MYO6: variants seen among roughly 807,000 people sequenced by gnomAD.
MYO6 encodes myosin VI.
MYO6 carries 74 observed loss-of-function variants against 178.7 expected under a neutral mutation model. That is an observed-to-expected ratio of 0.41 (90% CI 0.34 to 0.50). MYO6 has a LOEUF of 0.50. Among genes scored for constraint, MYO6 ranks in the 20% least tolerant of loss-of-function variants. The probability of loss-of-function intolerance (pLI) is 0.09; values close to 1 mark genes in which losing one functional copy is unlikely to be tolerated. For synonymous variants in MYO6, 477 were observed against 504.6 expected, an observed-to-expected ratio of 0.95 and a Z score of 0.73; for missense variants, 1,330 against 1,547.4, an observed-to-expected ratio of 0.86 and a Z score of 2.36.
intron 2 of MYO6, among the ~76,000 whole-genome samples, chr6:75,819,780 G>A (rs868053123): frequency 2.0e-5 from 3 of 152,220 alleles, no homozygotes; most frequent in African/African-American, 4.8e-5. Flanking sequence ...TAGGCTAGCT[G>A]CAGTGGCTCA....
At chr6:75,760,807 T>C (rs1452597888) in intron 1 of MYO6, among the ~76,000 whole-genome samples, 1 of 152,008 alleles carries the variant, frequency 6.6e-6, no homozygotes, top group Non-Finnish European at 1.5e-5. Flanking sequence ...TAAAAACATA[T>C]TGTTTATTTG....
intron 1 of MYO6, among the ~76,000 whole-genome samples, chr6:75,785,130 A>G (rs1180118830): frequency 2.0e-5 from 3 of 152,168 alleles, no homozygotes; most frequent in African/African-American, 7.2e-5. Context: ...ACAACTCAGG[A>G]AAAGGGAGAG....
At chr6:75,865,355 C>CTTTTTTTTTTTTT (rs386407605) in intron 16 of MYO6, 2 of 64,858 alleles carry the variant, frequency 3.1e-5, no homozygotes, top group African/African-American at 1.1e-4. Context: ...TAAATGATGT[C>CTTTTTTTTTTTTT]TTTTTTTTTT....
intron 1 of MYO6, among the ~76,000 whole-genome samples, chr6:75,809,943 G>T (rs940167170): frequency 6.6e-6 from 1 of 151,498 alleles, no homozygotes; most frequent in Non-Finnish European, 1.5e-5. Flanking sequence ...AATTAGCTGG[G>T]CGTTGTGGCA....
At chr6:75,807,714 G>T (rs1243950265) in intron 1 of MYO6, among the ~76,000 whole-genome samples, 2 of 152,176 alleles carry the variant, frequency 1.3e-5, no homozygotes, top group Admixed American at 6.5e-5. Context: ...CCCAAAGGCT[G>T]CTGGCTGCCC....
At chr6:75,792,362 T>C (rs1268547497) in intron 1 of MYO6, among the ~76,000 whole-genome samples, 1 of 152,188 alleles carries the variant, frequency 6.6e-6, no homozygotes, top group Non-Finnish European at 1.5e-5. Flanking sequence ...AAAGAAGCTG[T>C]TAAATTATTC....
intron 9 of MYO6, among the ~76,000 whole-genome samples, chr6:75,842,579 G>A (rs1421933129): frequency 2.0e-5 from 3 of 152,122 alleles, no homozygotes; most frequent in East Asian, 3.8e-4. Context: ...CTTTATAAAT[G>A]TATCTCTTTA....
intron 3 of MYO6, among the ~76,000 whole-genome samples, chr6:75,825,019 A>G (rs1207181265): frequency 6.6e-6 from 1 of 152,122 alleles, no homozygotes; most frequent in East Asian, 1.9e-4. Flanking sequence ...TTGGGCTCCC[A>G]AAGTGCTGGG....
At chr6:75,874,880 G>A (rs912198272) in intron 20 of MYO6, among the ~76,000 whole-genome samples, 1 of 152,206 alleles carries the variant, frequency 6.6e-6, no homozygotes, top group Admixed American at 6.5e-5. Flanking sequence ...GGTCACCAGT[G>A]ATTGCCTTGT....
At position 75,879,831 on chromosome 6, in the gene MYO6, G is replaced by A; in HGVS notation, c.2089G>A (p.Val697Ile). The A allele has an allele frequency of 6.2e-7, 1 of 1,614,126 alleles. No individual in the cohort carries two copies. The highest frequency in any genetic ancestry group is 8.5e-7 in the Non-Finnish European group (1 of 1,180,002). ...SQLQCSGMVS[V>I]LDLMQGGYPS... ...GTTCGTGAATCTAGGGATGGTGTCT[G>A]TTTTGGACTTGATGCAGGGTGGTTA... The change falls in exon 21 of 35, where the codon GTT (valine) becomes ATT (isoleucine). Residue 697 changes from valine to isoleucine, a missense_variant. Val to Ile is a conservative substitution (Grantham distance 29, BLOSUM62 3). Coordinates refer to ENST00000369977, the MANE Select transcript of MYO6 (RefSeq NM_004999.4).
rs749031242 is a variant in MYO6 at position 75,805,002 on chromosome 6, C to CATATATATAT, written c.-47-12488_-47-12479dup. Among the ~76,000 whole-genome samples the CATATATATAT allele has an allele frequency of 8.7e-3, 557 of 63,890 alleles. 12 individuals are homozygous for CATATATATAT. The highest frequency in any genetic ancestry group is 9.9e-3 in the African/African-American group (130 of 13,106). 41.9% of individuals were successfully genotyped at this position (63,890 alleles called of 152,430 possible). A position where few individuals can be genotyped will look rare whatever the true frequency, so the allele number is the denominator to read the frequency against. ...ACACACATATATATATACACACACA[C>CATATATATAT]ATATATATATATATATATATTTTTT... On this transcript the variant is annotated intron_variant, in intron 1 of 34. Transcript: ENST00000369977.
chr6:75,779,871 T>G (rs1438161127), intron 1 of MYO6, among the ~76,000 whole-genome samples: 1 of 152,234 alleles, frequency 6.6e-6, no homozygotes, highest in African/African-American at 2.4e-5. Context: ...TTCTTGCTGT[T>G]ATCCCATCTC....
intron 30 of MYO6, among the ~76,000 whole-genome samples, chr6:75,904,498 C>T (rs1347846972): frequency 6.6e-6 from 1 of 151,986 alleles, no homozygotes; most frequent in East Asian, 1.9e-4. Flanking sequence ...TCGCTGATAC[C>T]CTTTCTTCCA....
intron 13 of MYO6, 25 bp from the exon 14 acceptor site, chr6:75,858,877 C>T (rs370752428): frequency 1.3e-4 from 185 of 1,404,740 alleles, no homozygotes; most frequent in Non-Finnish European, 1.8e-4. Flanking sequence ...CATAATGACT[C>T]TTGGTTCTGG....
At chr6:75,902,282 A>G (rs1260015647) in intron 30 of MYO6, among the ~76,000 whole-genome samples, 2 of 152,172 alleles carry the variant, frequency 1.3e-5, no homozygotes, top group East Asian at 3.8e-4. Context: ...ATTGATTGGA[A>G]TAGTTTCAGA....
intron 1 of MYO6, among the ~76,000 whole-genome samples, chr6:75,757,999 A>G (rs1286036189): frequency 2.6e-5 from 2 of 77,998 alleles, no homozygotes; most frequent in African/African-American, 4.6e-5. Context: ...TTTTTTTGAG[A>G]TGGAGTCTCG....
intron 1 of MYO6, among the ~76,000 whole-genome samples, chr6:75,812,095 T>C (rs1770751763): frequency 6.6e-6 from 1 of 152,182 alleles, no homozygotes; most frequent in Admixed American, 6.5e-5. Flanking sequence ...GATAGCTTAC[T>C]GCAACTTTGA....
intron 1 of MYO6, among the ~76,000 whole-genome samples, chr6:75,770,499 C>T (rs998038603): frequency 6.6e-6 from 1 of 152,142 alleles, no homozygotes; most frequent in African/African-American, 2.4e-5. Flanking sequence ...TGTTTTGAGA[C>T]AGAGTCTCAC....
chr6:75,764,376 C>T (rs971114071), intron 1 of MYO6, among the ~76,000 whole-genome samples: 2 of 152,092 alleles, frequency 1.3e-5, no homozygotes, highest in Non-Finnish European at 2.9e-5. Context: ...TCAAACAAAC[C>T]CTTTGTCTGG....
Sources: gnomAD v4.1 joint callset for allele counts (sites outside exome capture counted in the v4.1 genomes callset) on GRCh38, gnomAD v4.1.1 for gene constraint, MANE v1.5 for transcripts, NCBI Gene and HGNC (gene_info 2026-07-23, HGNC 2026-07-21) for gene names.